Variants in EZH2 observed in about 807,000 individuals in gnomAD.
The protein encoded by EZH2 is histone-lysine N-methyltransferase EZH2.
In EZH2, 18 loss-of-function variants were observed where a neutral mutation model predicts 98.4. The ratio of observed to expected loss-of-function variants is 0.18; its 90% CI spans 0.13 to 0.27. The LOEUF (loss-of-function observed/expected upper bound fraction) is 0.27. Ranked by LOEUF, EZH2 falls within the 10% of genes least tolerant of loss-of-function variation. EZH2 has a pLI of 1.00. For synonymous variants in EZH2, 338 were observed against 312.3 expected (o/e 1.08, Z -0.87); for missense variants, 470 against 935.1 (o/e 0.50, Z 6.49).
chr7:148,825,781 C>T (rs1430515324), intron 8 of EZH2, among the ~76,000 whole-genome samples: 1 of 152,180 alleles, frequency 6.6e-6, no homozygotes, highest in East Asian at 1.9e-4. Context: ...AAGCAAACTA[C>T]TCTAGGAAAA....
At chr7:148,835,620 T>TA (rs1017112771) in intron 3 of EZH2, among the ~76,000 whole-genome samples, 5 of 152,054 alleles carry the variant, frequency 3.3e-5, no homozygotes, top group Non-Finnish European at 5.9e-5. Flanking sequence ...TCCAGTGACT[T>TA]AAAGTACAAA....
At chr7:148,866,060 G>C (rs1175674240) in intron 1 of EZH2, among the ~76,000 whole-genome samples, 2 of 152,166 alleles carry the variant, frequency 1.3e-5, no homozygotes, top group African/African-American at 4.8e-5. Flanking sequence ...GCTAAGAACA[G>C]TAGTAGTTTA....
chr7:148,869,302 A>G (rs1157628539), intron 1 of EZH2, among the ~76,000 whole-genome samples: 2 of 142,846 alleles, frequency 1.4e-5, no homozygotes, highest in East Asian at 4.3e-4. Flanking sequence ...GAATCCTAGT[A>G]TTTGCACTAA....
chr7:148,881,972 G>GCGCGCGCACA (rs1491495610), intron 1 of EZH2, among the ~76,000 whole-genome samples: 1 of 131,780 alleles, frequency 7.6e-6, no homozygotes, highest in Non-Finnish European at 1.6e-5. Flanking sequence ...ACACGCGCGC[G>GCGCGCGCACA]CACACACACA....
At chr7:148,866,749 CTG>C in intron 1 of EZH2, among the ~76,000 whole-genome samples, 1 of 149,024 alleles carries the variant, frequency 6.7e-6, no homozygotes, top group Non-Finnish European at 1.5e-5. Context: ...GGGTCTCACT[CTG>C]TTGCCTGGGC....
At chr7:148,854,044 G>A (rs1381106626) in intron 1 of EZH2, among the ~76,000 whole-genome samples, 1 of 152,216 alleles carries the variant, frequency 6.6e-6, no homozygotes, top group Non-Finnish European at 1.5e-5. Context: ...CCACTTGTGA[G>A]AGGTATTTAC....
At chr7:148,823,826 T>G (rs1061037) in intron 8 of EZH2, among the ~76,000 whole-genome samples, 25,118 of 151,902 alleles carry the variant, frequency 0.17, 2,214 homozygotes, top group East Asian at 0.25. Context: ...CATCTTCATA[T>G]TAATACTTTT....
At chr7:148,883,898 C>T (rs1821409676) in intron 1 of EZH2, among the ~76,000 whole-genome samples, 1 of 151,802 alleles carries the variant, frequency 6.6e-6, no homozygotes, top group Admixed American at 6.5e-5. Flanking sequence ...CCCCACACGC[C>T]CCCCGCCCCG....
At chr7:148,856,069 A>G (rs1176803973) in intron 1 of EZH2, among the ~76,000 whole-genome samples, 1 of 152,138 alleles carries the variant, frequency 6.6e-6, no homozygotes, top group African/African-American at 2.4e-5. Flanking sequence ...AGGGGATCTC[A>G]GGATAGAATG....
In EZH2 at chr7:148,824,679, T is replaced by G. The variant is rs1807173522; in HGVS notation, c.907+1775A>C. Among the ~76,000 whole-genome samples, 3 of 152,234 alleles carry G rather than the reference T, an allele frequency of 2.0e-5. No homozygotes were observed. In the South Asian group the frequency reaches 6.2e-4, roughly 31 times the overall value. On this transcript the variant is annotated intron_variant, in intron 8 of 19. Transcript: ENST00000320356. ...TGCATGATTATATATATTTAATGATTTATTTAGTAACTTATTTTACCTAAG... is the reference window on the plus strand; with the variant it reads ...TGCATGATTATATATATTTAATGATGTATTTAGTAACTTATTTTACCTAAG...
chr7:148,831,260 A>C (rs1194797880), intron 4 of EZH2, among the ~76,000 whole-genome samples: 1 of 152,274 alleles, frequency 6.6e-6, no homozygotes, highest in African/African-American at 2.4e-5. Context: ...TATAATTAAA[A>C]TGCAGGTTTT....
chr7:148,807,787 A>AAGATAGTGGG (rs1584846582), intron 19 of EZH2, 81 bp from the exon 20 acceptor site: 1 of 748,742 alleles, frequency 1.3e-6, no homozygotes, highest in East Asian at 2.9e-5. Flanking sequence ...AAGCCTGCTG[A>AAGATAGTGGG]AGATAGTGGG....
chr7:148,816,014 C>G (rs1033297606), intron 12 of EZH2, among the ~76,000 whole-genome samples: 3 of 152,180 alleles, frequency 2.0e-5, no homozygotes, highest in Admixed American at 1.3e-4. Context: ...TGGCCCTACA[C>G]TTATTTTTGT....
intron 3 of EZH2, among the ~76,000 whole-genome samples, chr7:148,834,041 C>CTA (rs1810174802): frequency 6.6e-6 from 1 of 151,970 alleles, no homozygotes; most frequent in African/African-American, 2.4e-5. Flanking sequence ...ATGCTGCCAA[C>CTA]TAAACAAAGG....
chr7:148,822,006 G>C (rs1422203379), intron 8 of EZH2, among the ~76,000 whole-genome samples: 2 of 152,194 alleles, frequency 1.3e-5, no homozygotes, highest in Non-Finnish European at 2.9e-5. Context: ...TCAAGGTAGT[G>C]AAAGATGAAC....
rs1315412931 is a variant in EZH2, at chr7:148,866,639, TATAC to T, written c.-8+17521_-8+17524del. 2.7e-5 allele frequency among the ~76,000 whole-genome samples: 4 copies of T among 146,946 alleles called. No individual in the cohort carries two copies. The East Asian group carries it at 7.8e-4, about 29-fold the overall frequency. ...ATATATGCATATATGTATATATACATATACATATACGTATATACGTATATGCATA... is the reference window on the plus strand; with the variant it reads ...ATATATGCATATATGTATATATACATATATACGTATATACGTATATGCATA... On this transcript the variant is annotated intron_variant, in intron 1 of 19. Transcript: ENST00000320356.
chr7:148,821,829 T>A (rs1584964486), intron 8 of EZH2, among the ~76,000 whole-genome samples: 1 of 152,272 alleles, frequency 6.6e-6, no homozygotes, highest in Admixed American at 6.5e-5. Context: ...ACCCTGTGTA[T>A]GTATGTATGT....
chr7:148,810,549 T>G (rs1380197705), intron 16 of EZH2, 135 bp from the exon 17 acceptor site: 1 of 551,012 alleles, frequency 1.8e-6, no homozygotes, highest in Non-Finnish European at 3.3e-6. Context: ...AGCCAAGTTC[T>G]CTTTCCCATT....
intron 3 of EZH2, among the ~76,000 whole-genome samples, chr7:148,845,852 T>G (rs1271412417): frequency 6.6e-6 from 1 of 152,236 alleles, no homozygotes; most frequent in Non-Finnish European, 1.5e-5. Context: ...TTTAGACTTT[T>G]GCCATTTTCT....
Sources: allele counts gnomAD v4.1 joint callset (sites outside exome capture counted in the v4.1 genomes callset), GRCh38; gene constraint gnomAD v4.1.1; transcripts MANE v1.5; gene names NCBI Gene and HGNC (gene_info 2026-07-23, HGNC 2026-07-21).